The following TXK variants were observed in gnomAD, a reference collection of about 807,000 sequenced individuals.
TXK encodes the protein TXK tyrosine kinase.
TXK carries 60 observed loss-of-function variants against 81.0 expected under a neutral mutation model. That is an observed-to-expected ratio of 0.74 (90% CI 0.60 to 0.92). The LOEUF (loss-of-function observed/expected upper bound fraction) is 0.92, where lower values mean the gene tolerates loss of function less well. Ranked by LOEUF, TXK falls within the 40% of genes least tolerant of loss-of-function variation. The pLI, the probability that TXK is intolerant of heterozygous loss-of-function variation, is 0.00. For synonymous variants in TXK, 203 were observed against 210.7 expected (o/e 0.96, Z 0.32); for missense variants, 581 against 638.3 (o/e 0.91, Z 0.97).
intron 5 of TXK, among the ~76,000 whole-genome samples, chr4:48,110,308 C>G (rs1033134703): frequency 2.6e-5 from 4 of 152,132 alleles, no homozygotes; most frequent in Admixed American, 2.0e-4. Context: ...TGTTTGGGTT[C>G]AGGCTGTCAC....
In TXK at chr4:48,079,932, C is replaced by T. The variant is rs1268333538; in HGVS notation, c.1153G>A (p.Gly385Ser). Residue 385 changes from glycine (G) to serine (S), a missense_variant, in exon 11 of 15, where the codon GGC (glycine) becomes AGC (serine). Physicochemically the swap from Gly to Ser is moderately conservative, Grantham distance 56 (BLOSUM62 0). Coordinates refer to ENST00000264316, the MANE Select transcript of TXK (RefSeq NM_003328.3). The stretch of plus-strand genomic sequence containing the variant: ...CTTACCAAATCCCTATGAATATAGC[C>T]ATTCCTCTCCAGATATTCCATTCCT... ...CEGMEYLERNGYIHRDLAARN... is the reference protein window; with the variant it reads ...CEGMEYLERNSYIHRDLAARN... The T allele has an allele frequency of 6.2e-7, 1 of 1,613,306 alleles. No individual in the cohort carries two copies. The highest frequency in any genetic ancestry group is 8.5e-7 in the Non-Finnish European group (1 of 1,179,660).
chr4:48,132,346 C>T (rs181800354), intron 1 of TXK, among the ~76,000 whole-genome samples: 1 of 152,240 alleles, frequency 6.6e-6, no homozygotes, highest in Non-Finnish European at 1.5e-5. Flanking sequence ...CAAAACTGCA[C>T]ATGGGACTGA....
intron 5 of TXK, among the ~76,000 whole-genome samples, chr4:48,109,990 A>G (rs778543253): frequency 2.6e-5 from 4 of 152,220 alleles, no homozygotes; most frequent in Non-Finnish European, 5.9e-5. Flanking sequence ...CCTGTAATCT[A>G]TCAGTCTTCT....
intron 1 of TXK, among the ~76,000 whole-genome samples, chr4:48,129,343 T>C (rs2109489196): frequency 6.6e-6 from 1 of 152,310 alleles, no homozygotes; most frequent in African/African-American, 2.4e-5. Flanking sequence ...ACTGTTCTGT[T>C]TTTTTGACAT....
intron 5 of TXK, among the ~76,000 whole-genome samples, chr4:48,107,806 T>C (rs1296731051): frequency 6.6e-6 from 1 of 150,830 alleles, no homozygotes; most frequent in Admixed American, 6.6e-5. Flanking sequence ...CTCACGCCTG[T>C]AATCCCAGCA....
intron 6 of TXK, 36 bp from the exon 7 acceptor site, chr4:48,095,258 C>T (rs1717939349): frequency 6.5e-7 from 1 of 1,549,824 alleles, no homozygotes; most frequent in East Asian, 2.2e-5. Flanking sequence ...AAGTCTATTC[C>T]TTCTTAGAAA....
rs184130625 is a variant in TXK, at chr4:48,099,343, C to T, written c.502-4121G>A. ...AACTCTAAAATGCTCCTGAAGAATA[C>T]AAAAATGTTTGCTTTTCTCATTAGG... On this transcript the variant is annotated intron_variant, in intron 6 of 14. Coordinates refer to ENST00000264316, the MANE Select transcript of TXK (RefSeq NM_003328.3). Among the ~76,000 whole-genome samples the T allele has an allele frequency of 2.6e-3, 402 of 152,174 alleles. 3 individuals are homozygous for T. The highest frequency in any genetic ancestry group is 8.9e-3 in the African/African-American group (370 of 41,530).
rs569210505 is a variant in TXK, at chr4:48,112,340, T to C, written c.347A>G (p.Asn116Ser). The C allele has an allele frequency of 1.1e-4, 173 of 1,614,200 alleles. 3 individuals are homozygous for C. The South Asian group carries it at 1.6e-3, about 15-fold the overall frequency. The change falls in exon 4 of 15, where the codon AAT (asparagine) becomes AGT (serine). Residue 116 changes from asparagine to serine, a missense_variant. Coordinates refer to ENST00000264316, the MANE Select transcript of TXK (RefSeq NM_003328.3). ...AEEYLILEKYNPHWWKARDRL... is the reference protein window; with the variant it reads ...AEEYLILEKYSPHWWKARDRL... ...GTCTCTTGCCTTCCACCAGTGAGGA[T>C]TGTATTTCTCCAGTATCAGGTATTC...
Position 48,081,859 on chromosome 4 carries a change from GC to G in TXK, c.957-1732del, listed in dbSNP as rs1165255481. On this transcript the variant is annotated intron_variant, in intron 10 of 14. Coordinates refer to ENST00000264316, the MANE Select transcript of TXK (RefSeq NM_003328.3). ...GTCTTCCCCCATCTTTGTAAATGGT[GC>G]CATCCTTCGCCTGATATAATAATGT... Among the ~76,000 whole-genome samples the G allele has an allele frequency of 2.0e-5, 3 of 152,092 alleles. No homozygotes were observed. In the East Asian group the frequency reaches 5.8e-4, roughly 29 times the overall value.
rs146682283 is a variant in TXK at position 48,114,565 on chromosome 4, T to A, written c.17-163A>T. ...AAATAACTGTCACTAAAGCAAAAAA[T>A]AAGTTTCTGGCACCTTGGCCAGTGT... On this transcript the variant is annotated intron_variant, in intron 1 of 14. Transcript: ENST00000264316. The A allele has an allele frequency of 7.0e-5, 49 of 701,026 alleles. No homozygotes were observed. The African/African-American group carries it at 7.7e-4, about 11-fold the overall frequency. 43.4% of individuals were successfully genotyped at this position (701,026 alleles called of 1,614,324 possible). A position where few individuals can be genotyped will look rare whatever the true frequency, so the allele number is the denominator to read the frequency against.
chr4:48,085,292 C>T (rs755715190), intron 10 of TXK, among the ~76,000 whole-genome samples: 2 of 152,072 alleles, frequency 1.3e-5, no homozygotes, highest in Non-Finnish European at 2.9e-5. Context: ...AAAGCAAATA[C>T]TTTTTTATCC....
intron 7 of TXK, 90 bp from the exon 8 acceptor site, chr4:48,094,294 A>C (rs1397962775): frequency 7.0e-7 from 1 of 1,437,088 alleles, no homozygotes; most frequent in Middle Eastern, 2.4e-4. Flanking sequence ...CCAGTTCTAA[A>C]ACTCATCCTA....
In TXK at chr4:48,067,459, G is replaced by A. The variant is rs542484135; in HGVS notation, c.*178C>T. On this transcript the variant is annotated 3_prime_UTR_variant, in exon 15 of 15. Transcript: ENST00000264316. The stretch of plus-strand genomic sequence containing the variant: ...AAATCCCTCTCACACATAGAAAAAC[G>A]ATTGTGTGAATATTCTTAAATTTTT... 55 of 623,174 alleles carry A rather than the reference G, an allele frequency of 8.8e-5. No individual in the cohort carries two copies. Among genetic ancestry groups the A allele is most frequent in the African/African-American group, 8.3e-4 (45 of 54,430 alleles). The allele number at this position is 623,174 out of a possible 1,614,324, so 38.6% of individuals were successfully genotyped here. A position where few individuals can be genotyped will look rare whatever the true frequency, so the allele number is the denominator to read the frequency against.
chr4:48,081,751 T>C (rs80252547), intron 10 of TXK, among the ~76,000 whole-genome samples: 1 of 152,118 alleles, frequency 6.6e-6, no homozygotes, highest in African/African-American at 2.4e-5. Flanking sequence ...CCTCAACACT[T>C]GATCACACCT....
At chr4:48,084,208 G>C (rs996969132) in intron 10 of TXK, among the ~76,000 whole-genome samples, 2 of 151,880 alleles carry the variant, frequency 1.3e-5, no homozygotes, top group Admixed American at 6.6e-5. Flanking sequence ...TCCCACCTCA[G>C]CCTCTTGAGT....
At chr4:48,072,192 C>T (rs532538381) in intron 13 of TXK, among the ~76,000 whole-genome samples, 7 of 152,052 alleles carry the variant, frequency 4.6e-5, no homozygotes, top group South Asian at 2.1e-4. Context: ...TTAGTAGAGG[C>T]GGGGTTTCAC....
chr4:48,081,883 T>C (rs1391440300), intron 10 of TXK, among the ~76,000 whole-genome samples: 2 of 152,204 alleles, frequency 1.3e-5, no homozygotes, highest in African/African-American at 4.8e-5. Flanking sequence ...GATATAATAA[T>C]GTACACCAAA....
intron 1 of TXK, among the ~76,000 whole-genome samples, chr4:48,132,963 T>A (rs981884332): frequency 1.3e-5 from 2 of 151,300 alleles, no homozygotes; most frequent in African/African-American, 4.9e-5. Context: ...AAAAAAAGTC[T>A]CATACTTAAA....
At chr4:48,086,740 A>G in intron 9 of TXK, 103 bp from the exon 10 acceptor site, 1 of 1,067,066 alleles carries the variant, frequency 9.4e-7, no homozygotes, top group Non-Finnish European at 1.4e-6. Context: ...AGAGAGGTTA[A>G]AAAATGTATA....
Sources: gnomAD v4.1 joint callset for allele counts (sites outside exome capture counted in the v4.1 genomes callset) on GRCh38, gnomAD v4.1.1 for gene constraint, MANE v1.5 for transcripts, NCBI Gene and HGNC (gene_info 2026-07-23, HGNC 2026-07-21) for gene names.